Variants in SGCD observed in about 807,000 individuals in gnomAD.
SGCD encodes sarcoglycan delta.
SGCD carries 18 observed loss-of-function variants against 36.6 expected under a neutral mutation model. That is an observed-to-expected ratio of 0.49 (90% confidence interval 0.34 to 0.73). The LOEUF (loss-of-function observed/expected upper bound fraction) is 0.73. Ranked by LOEUF, SGCD falls within the 30% of genes least tolerant of loss-of-function variation. The probability of loss-of-function intolerance (pLI) is 0.01; values close to 1 mark genes in which losing one functional copy is unlikely to be tolerated. For synonymous variants in SGCD, 133 were observed against 130.6 expected (o/e 1.02, Z -0.12); for missense variants, 387 against 346.7 (o/e 1.12, Z -0.92).
chr5:155,896,221 G>A (rs938456081), intron 1 of SGCD, among the ~76,000 whole-genome samples: 8 of 152,194 alleles, frequency 5.3e-5, no homozygotes, highest in African/African-American at 1.7e-4. Flanking sequence ...CAAAGGATCA[G>A]AGTTCTAGTT....
At chr5:156,205,228 C>T (rs2127638640) in intron 3 of SGCD, among the ~76,000 whole-genome samples, 1 of 152,100 alleles carries the variant, frequency 6.6e-6, no homozygotes, top group African/African-American at 2.4e-5. Flanking sequence ...CAGGGATACT[C>T]CATGATCCTG....
At chr5:156,543,392 T>C (rs530140937) in intron 4 of SGCD, among the ~76,000 whole-genome samples, 1 of 152,334 alleles carries the variant, frequency 6.6e-6, no homozygotes, top group African/African-American at 2.4e-5. Context: ...TTCAGCATCA[T>C]GTGACTTCAG....
chr5:155,844,421 T>TTGTGTGTGTGTGTGTGTG, the SGCD span, among the ~76,000 whole-genome samples: 5,602 of 144,462 alleles, frequency 0.039, 113 homozygotes, highest in Non-Finnish European at 0.053. Context: ...TGCTAAGGCT[T>TTGTGTGTGTGTGTGTGTG]TGTGTGTGTG....
chr5:156,494,462 CA>C lies in SGCD; in HGVS notation c.193-14130del, dbSNP rs752815516. Among the ~76,000 whole-genome samples the C allele has an allele frequency of 4.7e-5, 7 of 148,456 alleles. No homozygotes were observed. In the South Asian group the frequency reaches 6.4e-4, roughly 14 times the overall value. On this transcript the variant is annotated intron_variant, in intron 3 of 8. Transcript: ENST00000337851. ...GGCAAAGGAAGGAGGGAATAAATTC[CA>C]AAAAAAAATTATTTAAGTTTAACAA...
At chr5:156,058,853 T>C (rs1760130461) in intron 1 of SGCD, among the ~76,000 whole-genome samples, 1 of 145,814 alleles carries the variant, frequency 6.9e-6, no homozygotes, top group Non-Finnish European at 1.5e-5. Context: ...GGAATATAGA[T>C]GAAACAAGAT....
At chr5:156,562,519 G>A (rs377618770) in intron 4 of SGCD, among the ~76,000 whole-genome samples, 19 of 152,118 alleles carry the variant, frequency 1.2e-4, no homozygotes, top group African/African-American at 3.6e-4. Flanking sequence ...GGCAGGTGGC[G>A]TGGACCTCCT....
At chr5:156,444,058 C>G (rs1581002269) in intron 3 of SGCD, among the ~76,000 whole-genome samples, 1 of 141,124 alleles carries the variant, frequency 7.1e-6, no homozygotes, top group South Asian at 2.4e-4. Context: ...GAGACTCTTT[C>G]TCTCCTTCTC....
chr5:155,757,726 A>C, the SGCD span, among the ~76,000 whole-genome samples: 1 of 152,152 alleles, frequency 6.6e-6, no homozygotes, highest in Non-Finnish European at 1.5e-5. Context: ...AACTTGCTGT[A>C]TGGACTTGCA....
intron 4 of SGCD, among the ~76,000 whole-genome samples, chr5:156,521,483 A>G (rs1757402465): frequency 1.3e-5 from 2 of 152,216 alleles, no homozygotes; most frequent in Admixed American, 1.3e-4. Flanking sequence ...TTCAGAGTCT[A>G]CAAGAAACTT....
chr5:156,569,129 GTCAGCGAAC>G (rs978021682), intron 4 of SGCD, among the ~76,000 whole-genome samples: 8 of 152,178 alleles, frequency 5.3e-5, no homozygotes, highest in African/African-American at 1.9e-4. Flanking sequence ...CTTTCTGGCA[GTCAGCGAAC>G]TCAGCGAACT....
chr5:156,640,469 A>T (rs569358091), intron 6 of SGCD, among the ~76,000 whole-genome samples: 3 of 152,298 alleles, frequency 2.0e-5, no homozygotes, highest in Admixed American at 2.0e-4. Flanking sequence ...TTTTTGCAAT[A>T]TCCACCTGTG....
chr5:155,754,169 C>G, the SGCD span, among the ~76,000 whole-genome samples: 2 of 152,150 alleles, frequency 1.3e-5, no homozygotes, highest in African/African-American at 4.8e-5. Flanking sequence ...CTGGCAGGGA[C>G]CTGTGACCAT....
At chr5:156,323,835 G>A (rs527404413), upstream of SGCD, among the ~76,000 whole-genome samples, 1 of 152,170 alleles carries the variant, frequency 6.6e-6, no homozygotes, top group Non-Finnish European at 1.5e-5. Context: ...AGAATAAAAA[G>A]GTGTAATAGG....
chr5:155,997,253 A>G (rs1273569240), intron 1 of SGCD, among the ~76,000 whole-genome samples: 4 of 152,248 alleles, frequency 2.6e-5, no homozygotes, highest in Non-Finnish European at 5.9e-5. Context: ...TTTCACACAT[A>G]AGAAAGCTGA....
intron 3 of SGCD, among the ~76,000 whole-genome samples, chr5:156,472,228 T>G (rs1755003018): frequency 6.6e-6 from 1 of 152,188 alleles, no homozygotes; most frequent in Admixed American, 6.5e-5. Context: ...TATACCGATC[T>G]TATGACCCAG....
intron 7 of SGCD, among the ~76,000 whole-genome samples, chr5:156,665,312 C>T (rs1454055366): frequency 3.9e-5 from 6 of 152,096 alleles, no homozygotes; most frequent in Non-Finnish European, 8.8e-5. Context: ...GGATATATCA[C>T]CTCCTGTAAT....
At chr5:155,934,260 G>T (rs1180572876) in intron 1 of SGCD, among the ~76,000 whole-genome samples, 1 of 152,188 alleles carries the variant, frequency 6.6e-6, no homozygotes, top group Non-Finnish European at 1.5e-5. Flanking sequence ...CTGCATTTTT[G>T]AAAAGAAGTT....
chr5:156,739,532 G>A (rs1229977681), intron 7 of SGCD: 1 of 152,128 alleles, frequency 6.6e-6, no homozygotes, highest in Non-Finnish European at 1.5e-5. Context: ...CTGCAGGGTA[G>A]GATGACCAAG....
intron 7 of SGCD, among the ~76,000 whole-genome samples, chr5:156,686,331 G>A (rs545952580): frequency 9.7e-4 from 148 of 152,210 alleles, no homozygotes; most frequent in African/African-American, 2.2e-3. Context: ...TGGTCATTTC[G>A]TCTCTGGGCC....
Sources: allele counts gnomAD v4.1 joint callset (sites outside exome capture counted in the v4.1 genomes callset), GRCh38; gene constraint gnomAD v4.1.1; transcripts MANE v1.5; gene names NCBI Gene and HGNC (gene_info 2026-07-23, HGNC 2026-07-21).